Variants in NEK11 observed in about 807,000 individuals in gnomAD.
NEK11 encodes serine/threonine-protein kinase Nek11.
Under a neutral mutation model 80.7 loss-of-function variants are expected in NEK11, and 72 were observed. The ratio of observed to expected loss-of-function variants is 0.89; its 90% CI spans 0.74 to 1.08. NEK11 has a LOEUF of 1.08. Among genes scored for constraint, NEK11 ranks in the 50% least tolerant of loss-of-function variants. The pLI, the probability that NEK11 is intolerant of heterozygous loss-of-function variation, is 0.00. For missense variants in NEK11, 764 were observed against 763.6 expected, an observed-to-expected ratio of 1.00 and a Z score of -0.01; for synonymous variants, 251 against 260.7, an observed-to-expected ratio of 0.96 and a Z score of 0.36.
chr3:131,106,603 T>A (rs900471606), intron 4 of NEK11, among the ~76,000 whole-genome samples: 1 of 152,178 alleles, frequency 6.6e-6, no homozygotes, highest in African/African-American at 2.4e-5. Context: ...GCCAATATAC[T>A]TTTATTAGCT....
intron 16 of NEK11, among the ~76,000 whole-genome samples, chr3:131,270,630 T>C (rs371099799): frequency 1.3e-5 from 2 of 152,122 alleles, no homozygotes; most frequent in Non-Finnish European, 2.9e-5. Context: ...AGTTGGCCAA[T>C]AAGAAACACT....
intron 3 of NEK11, among the ~76,000 whole-genome samples, chr3:131,066,425 G>T (rs954480581): frequency 6.6e-6 from 1 of 152,048 alleles, no homozygotes; most frequent in South Asian, 2.1e-4. Context: ...TATCAACCTT[G>T]TGCAGAGATG....
Position 131,132,806 on chromosome 3 carries a change from A to G in NEK11, c.517A>G (p.Ile173Val). 2 of 1,408,208 alleles carry G rather than the reference A, an allele frequency of 1.4e-6. No individual in the cohort carries two copies. The highest frequency in any genetic ancestry group is 2.0e-6 in the Non-Finnish European group (2 of 1,017,564). The allele number at this position is 1,408,208 out of a possible 1,614,324, so 87.2% of individuals were successfully genotyped here. ...ATTTCTGAAAAATAATCTCCTTAAA[A>G]TTGGTAAGATTTTAAAAAGTATGAA... is the stretch of plus-strand genomic sequence containing the variant. ...NVFLKNNLLK[I>V]GDFGVSRLLM... Residue 173 changes from isoleucine (I) to valine (V), a missense_variant, in exon 6 of 18, where the codon ATT becomes GTT. Physicochemically the swap from Ile to Val is conservative, Grantham distance 29 (BLOSUM62 3). Coordinates refer to ENST00000383366, the MANE Select transcript of NEK11 (RefSeq NM_024800.5).
At chr3:131,033,977 C>A (rs1312404217) in intron 3 of NEK11, among the ~76,000 whole-genome samples, 1 of 152,130 alleles carries the variant, frequency 6.6e-6, no homozygotes, top group Admixed American at 6.5e-5. Flanking sequence ...AGAATATTTT[C>A]TTTCATAATT....
chr3:131,331,863 T>TC (rs1377305711), intron 17 of NEK11, among the ~76,000 whole-genome samples: 90 of 152,324 alleles, frequency 5.9e-4, no homozygotes, highest in African/African-American at 2.0e-3. Context: ...CGCTGATTGC[T>TC]AGCACAGCGG....
At chr3:131,208,983 C>T (rs1038076316) in intron 14 of NEK11, among the ~76,000 whole-genome samples, 6 of 152,148 alleles carry the variant, frequency 3.9e-5, no homozygotes, top group Admixed American at 2.6e-4. Context: ...TTGCCCTGGC[C>T]AGAACTTCCA....
intron 17 of NEK11, among the ~76,000 whole-genome samples, chr3:131,276,409 G>A (rs1426085946): frequency 6.6e-6 from 1 of 152,100 alleles, no homozygotes; most frequent in Non-Finnish European, 1.5e-5. Flanking sequence ...GGGGCTAGAT[G>A]GCCCTGCAGA....
At chr3:131,234,674 T>A (rs1243956866) in intron 15 of NEK11, among the ~76,000 whole-genome samples, 1 of 151,658 alleles carries the variant, frequency 6.6e-6, no homozygotes, top group Non-Finnish European at 1.5e-5. Context: ...TTCCCCCTTC[T>A]CTCTCTCCCA....
At chr3:131,148,495 T>C (rs1260009138) in intron 7 of NEK11, among the ~76,000 whole-genome samples, 1 of 151,954 alleles carries the variant, frequency 6.6e-6, no homozygotes. Context: ...AGCTTTTTAT[T>C]ATTTTATTTT....
intron 14 of NEK11, among the ~76,000 whole-genome samples, chr3:131,188,323 G>A (rs187818868): frequency 7.9e-5 from 12 of 152,150 alleles, no homozygotes; most frequent in African/African-American, 2.9e-4. Context: ...TATTAGATTG[G>A]TGCAAAAGCA....
At chr3:131,081,867 A>T (rs138488339) in intron 4 of NEK11, among the ~76,000 whole-genome samples, 5 of 152,368 alleles carry the variant, frequency 3.3e-5, no homozygotes, top group Non-Finnish European at 1.5e-5. Context: ...AAAGAAGCTC[A>T]GAAGGAAAAG....
At chr3:131,084,570 C>T (rs1380796580) in intron 4 of NEK11, among the ~76,000 whole-genome samples, 3 of 152,152 alleles carry the variant, frequency 2.0e-5, no homozygotes, top group African/African-American at 7.2e-5. Context: ...AGTAGACACA[C>T]TAGAGAATGG....
At position 131,168,145 on chromosome 3, in the gene NEK11, C is replaced by T. The variant is rs115770199; in HGVS notation, c.1177-685C>T. Among the ~76,000 whole-genome samples the T allele has an allele frequency of 3.5e-3, 526 of 152,282 alleles. 1 individual carries two copies. Among genetic ancestry groups the T allele is most frequent in the African/African-American group, 0.012 (500 of 41,556 alleles). ...TTTCCCTCTGGCACATTGTCAGCATCCCATCTCTCTTTCAATTGTTTTCAG... is the reference window on the plus strand; with the variant it reads ...TTTCCCTCTGGCACATTGTCAGCATTCCATCTCTCTTTCAATTGTTTTCAG... On this transcript the variant is annotated intron_variant, in intron 12 of 17. Coordinates refer to ENST00000383366, the MANE Select transcript of NEK11 (RefSeq NM_024800.5).
In NEK11 at chr3:131,064,665, A is replaced by C. The variant is rs985570760; in HGVS notation, c.171-15758A>C. ...TTGATGGTTGCAGACCTCTGGGGAT[A>C]TACTAAAAGCTACTGAATTGTACAC... On this transcript the variant is annotated intron_variant, in intron 3 of 17. Transcript: ENST00000383366. 4.6e-5 allele frequency among the ~76,000 whole-genome samples: 7 copies of C among 152,304 alleles called. No homozygotes were observed. The East Asian group carries it at 1.3e-3, about 29-fold the overall frequency.
chr3:131,029,412 A>G (rs552766421), intron 2 of NEK11, among the ~76,000 whole-genome samples: 22 of 152,372 alleles, frequency 1.4e-4, no homozygotes, highest in African/African-American at 4.1e-4. Flanking sequence ...CCAAATTTCA[A>G]TGTACAAAGG....
chr3:131,348,459 G>A (rs752059756), intron 17 of NEK11, among the ~76,000 whole-genome samples: 1 of 152,016 alleles, frequency 6.6e-6, no homozygotes, highest in Non-Finnish European at 1.5e-5. Flanking sequence ...ATAAAAGATA[G>A]GGGAGGTAGG....
intron 15 of NEK11, among the ~76,000 whole-genome samples, chr3:131,239,783 C>G (rs1227931860): frequency 6.6e-6 from 1 of 152,136 alleles, no homozygotes; most frequent in Admixed American, 6.6e-5. Context: ...AGCTCTCATC[C>G]CAAACTAAGT....
chr3:131,269,471 G>A (rs2096134256), intron 16 of NEK11, among the ~76,000 whole-genome samples: 1 of 152,210 alleles, frequency 6.6e-6, no homozygotes, highest in South Asian at 2.1e-4. Context: ...GGGCCAGAGT[G>A]CACCATTCCT....
chr3:131,342,632 T>G (rs1450105487), intron 17 of NEK11, among the ~76,000 whole-genome samples: 1 of 152,194 alleles, frequency 6.6e-6, no homozygotes, highest in Middle Eastern at 3.4e-3. Context: ...CAAAATTGTT[T>G]GAGGCTTCCA....
Sources: allele counts gnomAD v4.1 joint callset (sites outside exome capture counted in the v4.1 genomes callset), GRCh38; gene constraint gnomAD v4.1.1; transcripts MANE v1.5; gene names NCBI Gene and HGNC (gene_info 2026-07-23, HGNC 2026-07-21).